The following ARIH2 variants were observed in gnomAD, a reference collection of about 807,000 sequenced individuals.
ARIH2 encodes E3 ubiquitin-protein ligase ARIH2.
Under a neutral mutation model 79.8 loss-of-function variants are expected in ARIH2, and 12 were observed. The ratio of observed to expected loss-of-function variants is 0.15; its 90% confidence interval spans 0.10 to 0.24. The LOEUF is 0.24. Ranked by LOEUF, ARIH2 falls within the 10% of genes least tolerant of loss-of-function variation. The pLI is 1.00. For missense variants in ARIH2, 301 were observed against 618.3 expected (o/e 0.49, Z 5.44); for synonymous variants, 224 against 213.9 (o/e 1.05, Z -0.41).
intron 3 of ARIH2, among the ~76,000 whole-genome samples, chr3:48,957,994 G>T (rs1437950664): frequency 6.6e-6 from 1 of 152,154 alleles, no homozygotes; most frequent in East Asian, 1.9e-4. Context: ...GATTACAGGT[G>T]TGAGCCACTG....
intron 11 of ARIH2, among the ~76,000 whole-genome samples, chr3:48,977,886 G>A (rs1468821311): frequency 6.6e-6 from 1 of 152,136 alleles, no homozygotes; most frequent in Non-Finnish European, 1.5e-5. Flanking sequence ...TTTTGCTTTG[G>A]CTTCCCTAAA....
At chr3:48,979,998 T>C (rs1001951795) in intron 12 of ARIH2, 5 of 240,540 alleles carry the variant, frequency 2.1e-5, no homozygotes, top group African/African-American at 4.5e-5. Context: ...CATAGTATCA[T>C]CTTAGTAGTC....
At chr3:48,945,301 C>T in intron 3 of ARIH2, 1 of 786,470 alleles carries the variant, frequency 1.3e-6, no homozygotes, top group Non-Finnish European at 1.8e-6. Context: ...GAGCTTCAGC[C>T]AGCTAGAGGA....
chr3:48,927,591 C>T lies in ARIH2; in HGVS notation c.33C>T (p.Asp11=). The T allele has an allele frequency of 6.2e-7, 1 of 1,613,968 alleles. No homozygotes were observed. Among genetic ancestry groups the T allele is most frequent in the Non-Finnish European group, 8.5e-7 (1 of 1,179,988 alleles). Residue 11 remains aspartate, a synonymous_variant, in exon 3 of 16, where the codon GAC becomes GAT. Transcript: ENST00000356401. The stretch of plus-strand genomic sequence containing the variant: ...TGGACATGAATAGCCAGGGGTCTGA[C>T]AGCAATGAAGAGGACTATGACCCAA... MSVDMNSQGS[D]SNEEDYDPNC...
intron 11 of ARIH2, among the ~76,000 whole-genome samples, chr3:48,979,080 A>C (rs1262167936): frequency 2.0e-5 from 3 of 152,190 alleles, no homozygotes; most frequent in Non-Finnish European, 2.9e-5. Flanking sequence ...TGAGGGTAGG[A>C]AGCAGTAGGG....
intron 3 of ARIH2, chr3:48,934,972 T>G (rs1477009951): frequency 5.1e-6 from 5 of 984,348 alleles, no homozygotes; most frequent in Non-Finnish European, 6.0e-6. Flanking sequence ...GTGTTTGTTT[T>G]TTTTTGACAT....
At chr3:48,976,752 G>C (rs769835972) in intron 11 of ARIH2, among the ~76,000 whole-genome samples, 2 of 152,160 alleles carry the variant, frequency 1.3e-5, no homozygotes, top group Non-Finnish European at 2.9e-5. Context: ...CATTCCTAGT[G>C]CCTAAGAAGC....
chr3:48,980,329 TTC>T, intron 12 of ARIH2, 22 bp from the exon 13 acceptor site: 1 of 1,606,240 alleles, frequency 6.2e-7, no homozygotes. Flanking sequence ...TCCTGTGGTT[TTC>T]TTCTTCTTCT....
At chr3:48,956,552 T>C (rs1243425096) in intron 3 of ARIH2, among the ~76,000 whole-genome samples, 3 of 142,148 alleles carry the variant, frequency 2.1e-5, no homozygotes, top group African/African-American at 5.2e-5. Flanking sequence ...CGCCTCAGCC[T>C]CCTGAGTAGC....
intron 2 of ARIH2, chr3:48,925,050 A>T (rs2085363731): frequency 6.6e-6 from 1 of 151,376 alleles, no homozygotes; most frequent in Admixed American, 6.6e-5. Flanking sequence ...GGCTGGCCTC[A>T]ATCTCCTGGC....
At chr3:48,966,684 T>C (rs2091819469) in intron 5 of ARIH2, among the ~76,000 whole-genome samples, 1 of 152,210 alleles carries the variant, frequency 6.6e-6, no homozygotes, top group Non-Finnish European at 1.5e-5. Flanking sequence ...AAACTCATCC[T>C]CTAATAACCT....
rs910610634 is a variant in ARIH2, at chr3:48,921,113, C to T, written c.-161-1635C>T. On this transcript the variant is annotated intron_variant, in intron 1 of 15. Coordinates refer to ENST00000356401, the MANE Select transcript of ARIH2 (RefSeq NM_006321.4). ...CTGGGATTATAGGCGCATGCTACCA[C>T]GCCCAGCTAATTTTTGTATTTTTAG... Among the ~76,000 whole-genome samples the T allele has an allele frequency of 2.7e-5, 2 of 75,364 alleles. 1 individual carries two copies. Among genetic ancestry groups the T allele is most frequent in the Admixed American group, 3.6e-4 (2 of 5,582 alleles). 49.4% of individuals were successfully genotyped at this position (75,364 alleles called of 152,430 possible). A position where few individuals can be genotyped will look rare whatever the true frequency, so the allele number is the denominator to read the frequency against.
At chr3:48,940,808 A>AAAAAAAATAT (rs759369585) in intron 3 of ARIH2, among the ~76,000 whole-genome samples, 17 of 98,042 alleles carry the variant, frequency 1.7e-4, no homozygotes, top group African/African-American at 3.3e-4. Flanking sequence ...AAAAAAAAAA[A>AAAAAAAATAT]ATATATATAT....
chr3:48,919,519 TCTC>T (rs1170334008), intron 1 of ARIH2: 1 of 202,128 alleles, frequency 4.9e-6, no homozygotes, highest in Admixed American at 6.0e-5. Flanking sequence ...TTGGATGACT[TCTC>T]CTTAGTACTG....
Position 48,963,263 on chromosome 3 carries a change from C to CA in ARIH2, c.323+1588dup, listed in dbSNP as rs1337217808. 2.6e-5 allele frequency among the ~76,000 whole-genome samples: 4 copies of CA among 152,122 alleles called. No individual in the cohort carries two copies. The East Asian group carries it at 7.7e-4, about 29-fold the overall frequency. On this transcript the variant is annotated intron_variant, in intron 4 of 15. Coordinates refer to ENST00000356401, the MANE Select transcript of ARIH2 (RefSeq NM_006321.4). ...GCTGCCTTATTATTATACTACTGCC[C>CA]AAAACTCTGGAACCACATAGGTTCT...
intron 3 of ARIH2, among the ~76,000 whole-genome samples, chr3:48,953,213 A>G (rs534811149): frequency 6.6e-6 from 1 of 152,224 alleles, no homozygotes; most frequent in East Asian, 1.9e-4. Flanking sequence ...TACAGGTGTA[A>G]GCCACCGCGC....
At chr3:48,975,045 TTAAG>T (rs1232894914) in intron 11 of ARIH2, 66 bp downstream of exon 11, 26 of 1,613,730 alleles carry the variant, frequency 1.6e-5, no homozygotes, top group Non-Finnish European at 2.1e-5. Context: ...CCGTTACTAT[TTAAG>T]TGAGTACTTC....
intron 3 of ARIH2, among the ~76,000 whole-genome samples, chr3:48,941,798 A>G (rs7372149): frequency 0.68 from 102,062 of 150,820 alleles, 35,021 homozygotes; most frequent in East Asian, 0.96. Context: ...TAGCCAGGAT[A>G]GTCTCGATCT....
At position 48,967,309 on chromosome 3, in the gene ARIH2, A is replaced by G. The variant is rs766278217; in HGVS notation, c.538+34A>G. 4.4e-6 allele frequency: 7 copies of G among 1,603,374 alleles called. No individual in the cohort carries two copies. In the East Asian group the frequency reaches 1.1e-4, roughly 26 times the overall value. Reference sequence around the variant, plus strand: ...GCCACAAAACTTATAAAAAGCTGGCATGAAGTGTTTATCTTTGACTCTGCC... The same window carrying G: ...GCCACAAAACTTATAAAAAGCTGGCGTGAAGTGTTTATCTTTGACTCTGCC... On this transcript the variant is annotated intron_variant, in intron 6 of 15. Transcript: ENST00000356401.
Sources: gnomAD v4.1 joint callset for allele counts (sites outside exome capture counted in the v4.1 genomes callset) on GRCh38, gnomAD v4.1.1 for gene constraint, MANE v1.5 for transcripts, NCBI Gene and HGNC (gene_info 2026-07-23, HGNC 2026-07-21) for gene names.